The following ENTPD1 variants were observed in gnomAD, a reference collection of about 807,000 sequenced individuals.
ENTPD1 encodes the protein ectonucleoside triphosphate diphosphohydrolase 1.
A neutral mutation model predicts 57.0 loss-of-function variants in ENTPD1; 33 were observed. The observed-to-expected ratio is 0.58, with a 90% CI of 0.44 to 0.77. ENTPD1 has a LOEUF of 0.77. Ranked by LOEUF, ENTPD1 falls within the 30% of genes least tolerant of loss-of-function variation. The pLI is 0.00. For synonymous variants in ENTPD1, 202 were observed against 218.8 expected, an observed-to-expected ratio of 0.92 and a Z score of 0.68; for missense variants, 501 against 603.4, an observed-to-expected ratio of 0.83 and a Z score of 1.78.
At chr10:95,713,125 G>A (rs1333927729) in intron 1 of ENTPD1, among the ~76,000 whole-genome samples, 1 of 151,568 alleles carries the variant, frequency 6.6e-6, no homozygotes, top group Non-Finnish European at 1.5e-5. Flanking sequence ...CATGGAGACT[G>A]TCTCCTCCAT....
At chr10:95,711,973 A>G (rs1206753921) in exon 1 of ENTPD1, 1 of 1,609,812 alleles carries the variant, frequency 6.2e-7, no homozygotes, top group Non-Finnish European at 8.5e-7. Flanking sequence ...GGAACCAAGG[A>G]CCTGACAAGC....
At chr10:95,802,555 C>A (rs1339890514) in intron 1 of ENTPD1, among the ~76,000 whole-genome samples, 1 of 151,890 alleles carries the variant, frequency 6.6e-6, no homozygotes, top group African/African-American at 2.4e-5. Flanking sequence ...TTTGCTGCAC[C>A]CATCAACTCA....
intron 1 of ENTPD1, among the ~76,000 whole-genome samples, chr10:95,727,750 G>T (rs1253910140): frequency 6.6e-6 from 1 of 152,186 alleles, no homozygotes; most frequent in Non-Finnish European, 1.5e-5. Context: ...CAGCAGGCAA[G>T]TGATAGAGGT....
rs1281082801 is a variant in ENTPD1 at position 95,842,447 on chromosome 10, A to C, written c.366A>C (p.Gln122His). The C allele has an allele frequency of 6.2e-7, 1 of 1,614,150 alleles. No homozygotes were observed. Among genetic ancestry groups the C allele is most frequent in the Admixed American group, 1.7e-5 (1 of 60,012 alleles). The stretch of plus-strand genomic sequence containing the variant: ...AAGTGATTCCAAGGTCCCAGCACCA[A>C]GAGACACCCGTTTACCTGGGAGCCA... ...AREVIPRSQHQETPVYLGATA... is the reference protein window; with the variant it reads ...AREVIPRSQHHETPVYLGATA... Residue 122 changes from glutamine (Q) to histidine (H), a missense_variant, in exon 4 of 10, where the codon CAA (glutamine) becomes CAC (histidine). By Grantham distance (24) the Gln-to-His change is conservative (BLOSUM62 0). Coordinates refer to ENST00000371205, the MANE Select transcript of ENTPD1 (RefSeq NM_001776.6).
chr10:95,731,966 A>T (rs1816388396), intron 1 of ENTPD1, among the ~76,000 whole-genome samples: 2 of 151,672 alleles, frequency 1.3e-5, no homozygotes, highest in Non-Finnish European at 2.9e-5. Context: ...TATTTTTAGT[A>T]GAGACGGGGT....
At chr10:95,764,513 T>A (rs2098080407) in intron 1 of ENTPD1, among the ~76,000 whole-genome samples, 1 of 152,172 alleles carries the variant, frequency 6.6e-6, no homozygotes, top group South Asian at 2.1e-4. Context: ...CAGCAATATA[T>A]GGTGATTCCA....
At chr10:95,723,493 T>G (rs966771993) in intron 1 of ENTPD1, among the ~76,000 whole-genome samples, 2 of 152,068 alleles carry the variant, frequency 1.3e-5, no homozygotes, top group Non-Finnish European at 2.9e-5. Flanking sequence ...AAGGATGCAG[T>G]GTAGAGCTCC....
chr10:95,839,725 C>T lies in ENTPD1; in HGVS notation c.179C>T (p.Thr60Ile). ...GTGCTGGATGCGGGTTCTTCTCACA[C>T]AAGTTTATACATCTATAAGTGGCCA... ...GIVLDAGSSH[T>I]SLYIYKWPAE... The change falls in exon 3 of 10, where the codon ACA becomes ATA. Residue 60 changes from threonine (T) to isoleucine (I), a missense_variant. Transcript: ENST00000371205. 1 of 1,614,052 alleles carries T rather than the reference C, an allele frequency of 6.2e-7. No homozygotes were observed. The highest frequency in any genetic ancestry group is 8.5e-7 in the Non-Finnish European group (1 of 1,180,016).
the ENTPD1 span, among the ~76,000 whole-genome samples, chr10:95,701,875 A>C: frequency 6.6e-6 from 1 of 152,174 alleles, no homozygotes; most frequent in Non-Finnish European, 1.5e-5. Context: ...AACTAATTAA[A>C]AATGAAAGTT....
intron 1 of ENTPD1, among the ~76,000 whole-genome samples, chr10:95,736,489 C>G (rs1051742482): frequency 6.6e-6 from 1 of 152,022 alleles, no homozygotes; most frequent in African/African-American, 2.4e-5. Context: ...AAACTCCTTT[C>G]CCACCCCTCC....
At chr10:95,856,887 C>T (rs2098456049) in intron 7 of ENTPD1, among the ~76,000 whole-genome samples, 1 of 151,374 alleles carries the variant, frequency 6.6e-6, no homozygotes, top group South Asian at 2.1e-4. Context: ...TATTACATAT[C>T]TATTTGCTAT....
In ENTPD1 at chr10:95,809,605, C is replaced by T. The variant is rs1391765351; in HGVS notation, c.17-13632C>T. On this transcript the variant is annotated intron_variant, in intron 1 of 9. Transcript: ENST00000371205. ...CCCACCTCCCAGACGGGGCGGATGC[C>T]AGGCAGAGGCGCTCCCCACCTCCCA... Among the ~76,000 whole-genome samples the T allele has an allele frequency of 1.4e-4, 18 of 125,386 alleles. 3 individuals carry two copies. Among genetic ancestry groups the T allele is most frequent in the South Asian group, 5.6e-4 (2 of 3,572 alleles). The allele number at this position is 125,386 out of a possible 152,430, so 82.3% of individuals were successfully genotyped here.
chr10:95,802,056 G>C (rs1035390314), intron 1 of ENTPD1, among the ~76,000 whole-genome samples: 1 of 152,136 alleles, frequency 6.6e-6, no homozygotes, highest in East Asian at 1.9e-4. Flanking sequence ...GCCCTCGGGA[G>C]GTCCTGAGAA....
chr10:95,827,496 T>C (rs1021908972), intron 2 of ENTPD1, among the ~76,000 whole-genome samples: 1 of 152,192 alleles, frequency 6.6e-6, no homozygotes, highest in East Asian at 1.9e-4. Context: ...TTGTTTTGTT[T>C]GTTTTTTGAG....
chr10:95,770,032 G>C (rs2098109019), intron 1 of ENTPD1, among the ~76,000 whole-genome samples: 1 of 151,988 alleles, frequency 6.6e-6, no homozygotes, highest in South Asian at 2.1e-4. Context: ...TTGGAGTTTG[G>C]GGAAGAAGAC....
At chr10:95,710,838 A>G (rs2097964989), upstream of ENTPD1, among the ~76,000 whole-genome samples, 1 of 152,114 alleles carries the variant, frequency 6.6e-6, no homozygotes, top group South Asian at 2.1e-4. Context: ...TGCTGACTAT[A>G]CATTTGTTCT....
the ENTPD1 span, among the ~76,000 whole-genome samples, chr10:95,700,258 T>G: frequency 1.3e-5 from 2 of 151,740 alleles, no homozygotes; most frequent in Admixed American, 6.6e-5. Context: ...TATAAGGACA[T>G]CTAATCTATT....
At chr10:95,700,790 A>G in the ENTPD1 span, among the ~76,000 whole-genome samples, 1 of 151,592 alleles carries the variant, frequency 6.6e-6, no homozygotes, top group South Asian at 2.1e-4. Context: ...ATTAAGAAGT[A>G]TATTCTTTTT....
intron 1 of ENTPD1, among the ~76,000 whole-genome samples, chr10:95,782,752 C>T (rs2098162838): frequency 6.6e-6 from 1 of 152,114 alleles, no homozygotes; most frequent in South Asian, 2.1e-4. Flanking sequence ...CCCCCAACCC[C>T]AACAGTTTTT....
Sources: gnomAD v4.1 joint callset for allele counts (sites outside exome capture counted in the v4.1 genomes callset) on GRCh38, gnomAD v4.1.1 for gene constraint, MANE v1.5 for transcripts, NCBI Gene and HGNC (gene_info 2026-07-23, HGNC 2026-07-21) for gene names.